COMMD10: variants seen among roughly 807,000 people sequenced by gnomAD.
The protein encoded by COMMD10 is COMM domain containing 10.
A neutral mutation model predicts 28.9 loss-of-function variants in COMMD10; 33 were observed. The ratio of observed to expected loss-of-function variants is 1.14; its 90% CI spans 0.87 to 1.53. The LOEUF (loss-of-function observed/expected upper bound fraction) is 1.53, where lower values mean the gene tolerates loss of function less well. Ranked by LOEUF, COMMD10 falls within the 40% of genes most tolerant of loss-of-function variation. The probability of loss-of-function intolerance (pLI) is 0.00; values close to 1 mark genes in which losing one functional copy is unlikely to be tolerated. For synonymous variants in COMMD10, 110 were observed against 81.7 expected, an observed-to-expected ratio of 1.35 and a Z score of -1.87; for missense variants, 310 against 233.4, an observed-to-expected ratio of 1.33 and a Z score of -2.14.
chr5:116,223,206 G>GA (rs1267800853), intron 5 of COMMD10, among the ~76,000 whole-genome samples: 6 of 149,014 alleles, frequency 4.0e-5, no homozygotes, highest in Admixed American at 3.3e-4. Context: ...ATTTTTTTTT[G>GA]AAAAAAAGGA....
At chr5:116,179,517 G>C (rs1747874965) in intron 5 of COMMD10, among the ~76,000 whole-genome samples, 1 of 152,080 alleles carries the variant, frequency 6.6e-6, no homozygotes, top group South Asian at 2.1e-4. Flanking sequence ...GAAGGTTATG[G>C]GTAGGTGGTG....
chr5:116,105,383 C>A (rs1310744103), intron 4 of COMMD10, among the ~76,000 whole-genome samples: 2 of 152,148 alleles, frequency 1.3e-5, no homozygotes, highest in East Asian at 1.9e-4. Flanking sequence ...AGGATTTTTG[C>A]ATTGATGTTC....
chr5:116,134,223 GACTTAA>G, intron 5 of COMMD10, 45 bp downstream of exon 5: 2 of 1,127,208 alleles, frequency 1.8e-6, no homozygotes, highest in East Asian at 4.8e-5. Flanking sequence ...TGTTTGTTAG[GACTTAA>G]ACTTTTTATT....
At chr5:116,193,109 C>G (rs1748413325) in intron 5 of COMMD10, among the ~76,000 whole-genome samples, 1 of 152,166 alleles carries the variant, frequency 6.6e-6, no homozygotes, top group South Asian at 2.1e-4. Flanking sequence ...AAAACAAATG[C>G]TGCGTGAATT....
intron 5 of COMMD10, among the ~76,000 whole-genome samples, chr5:116,268,913 CAG>C (rs1250786352): frequency 2.0e-5 from 3 of 149,296 alleles, no homozygotes; most frequent in African/African-American, 7.5e-5. Flanking sequence ...CACTTGGACA[CAG>C]AGAGAGGAAC....
At chr5:116,229,641 C>G (rs1416480054) in intron 5 of COMMD10, among the ~76,000 whole-genome samples, 3 of 151,946 alleles carry the variant, frequency 2.0e-5, no homozygotes, top group Non-Finnish European at 2.9e-5. Flanking sequence ...AATTGGAAGA[C>G]AAACGGTTCA....
At chr5:116,256,567 G>A (rs560124001) in intron 5 of COMMD10, among the ~76,000 whole-genome samples, 1 of 151,738 alleles carries the variant, frequency 6.6e-6, no homozygotes, top group Admixed American at 6.6e-5. Context: ...TTTGGCATTT[G>A]AAACAGTATA....
chr5:116,089,185 C>G (rs1270603718), intron 2 of COMMD10, among the ~76,000 whole-genome samples: 1 of 152,158 alleles, frequency 6.6e-6, no homozygotes, highest in Non-Finnish European at 1.5e-5. Flanking sequence ...CTTTGTGTTA[C>G]TAACTCATCT....
chr5:116,219,390 C>G (rs1749187520), intron 5 of COMMD10, among the ~76,000 whole-genome samples: 1 of 152,118 alleles, frequency 6.6e-6, no homozygotes, highest in African/African-American at 2.4e-5. Context: ...ACTGTGTAAG[C>G]ATTACCTTAA....
At chr5:116,212,523 T>TGTGTGTG (rs1580552963) in intron 5 of COMMD10, among the ~76,000 whole-genome samples, 7 of 71,498 alleles carry the variant, frequency 9.8e-5, no homozygotes, top group Non-Finnish European at 2.2e-4. Context: ...TGTGTGTGTG[T>TGTGTGTG]AGAATGTGAG....
At chr5:116,206,592 CAG>C (rs1419383863) in intron 5 of COMMD10, among the ~76,000 whole-genome samples, 1 of 151,832 alleles carries the variant, frequency 6.6e-6, no homozygotes, top group Non-Finnish European at 1.5e-5. Context: ...GCAGAGATTG[CAG>C]AGAGCCAAGA....
At chr5:116,171,070 T>G (rs1753312250) in intron 5 of COMMD10, among the ~76,000 whole-genome samples, 1 of 152,060 alleles carries the variant, frequency 6.6e-6, no homozygotes, top group African/African-American at 2.4e-5. Context: ...TGAGAAAAAT[T>G]TTGCAATCTG....
At position 116,271,035 on chromosome 5, in the gene COMMD10, G is replaced by C. The variant is rs549537422; in HGVS notation, c.511-20482G>C. Among the ~76,000 whole-genome samples the C allele has an allele frequency of 1.8e-3, 268 of 151,586 alleles. 6 individuals are homozygous for C. The highest frequency in any genetic ancestry group is 6.1e-3 in the African/African-American group (252 of 41,178). On this transcript the variant is annotated intron_variant, in intron 5 of 6. Coordinates refer to ENST00000274458, the MANE Select transcript of COMMD10 (RefSeq NM_016144.4). ...CATAAATTGGGGCAGGAAATCACAG[G>C]TTTGGTGGGTGGCCCAAAATTTCTC...
At chr5:116,268,634 A>G (rs1196653742) in intron 5 of COMMD10, among the ~76,000 whole-genome samples, 1 of 151,960 alleles carries the variant, frequency 6.6e-6, no homozygotes, top group African/African-American at 2.4e-5. Context: ...TCATGCTGCT[A>G]TAAAGACACA....
At chr5:116,292,115 A>T (rs1751379859) in intron 6 of COMMD10, among the ~76,000 whole-genome samples, 1 of 151,832 alleles carries the variant, frequency 6.6e-6, no homozygotes, top group African/African-American at 2.4e-5. Context: ...CCACTCCCTC[A>T]TATGTAAGCC....
chr5:116,203,254 C>A (rs1343202535), intron 5 of COMMD10, among the ~76,000 whole-genome samples: 3 of 152,104 alleles, frequency 2.0e-5, no homozygotes, highest in African/African-American at 7.2e-5. Context: ...AAGACCAAAT[C>A]TACGTCTGAT....
intron 5 of COMMD10, among the ~76,000 whole-genome samples, chr5:116,215,695 A>AATATATATATATATATAT: frequency 7.5e-6 from 1 of 133,824 alleles, no homozygotes; most frequent in South Asian, 2.5e-4. Context: ...TAAAAAAAGA[A>AATATATATATATATATAT]ATATATATAT....
chr5:116,204,455 T>C (rs1748760152), intron 5 of COMMD10, among the ~76,000 whole-genome samples: 1 of 152,156 alleles, frequency 6.6e-6, no homozygotes, highest in Admixed American at 6.6e-5. Context: ...TTTTACCTTC[T>C]TTATAATTTT....
Position 116,134,169 on chromosome 5 carries a change from A to G in COMMD10, c.501A>G (p.Glu167=). Residue 167 remains glutamate, a synonymous_variant, in exon 5 of 7, where the codon GAA becomes GAG. Coordinates refer to ENST00000274458, the MANE Select transcript of COMMD10 (RefSeq NM_016144.4). ...TGTTACAACTCGGAGTGAACAATGA[A>G]GATTCAAAGGTAAGAAATGGTATCC... is the stretch of plus-strand genomic sequence containing the variant. The part of the protein sequence containing the change: ...QAVLQLGVNN[E]DSKSLEKVLV... 6.3e-7 allele frequency: 1 copy of G among 1,588,220 alleles called. No homozygotes were observed. Among genetic ancestry groups the G allele is most frequent in the Non-Finnish European group, 8.6e-7 (1 of 1,156,184 alleles).
Sources: gnomAD v4.1 joint callset for allele counts (sites outside exome capture counted in the v4.1 genomes callset) on GRCh38, gnomAD v4.1.1 for gene constraint, MANE v1.5 for transcripts, NCBI Gene and HGNC (gene_info 2026-07-23, HGNC 2026-07-21) for gene names.